Variants in ASPRV1 observed in about 807,000 individuals in gnomAD.
ASPRV1 encodes the protein aspartic peptidase retroviral like 1.
Under a neutral mutation model 11.0 loss-of-function variants are expected in ASPRV1, and 7 were observed. The observed-to-expected ratio is 0.64, with a 90% CI of 0.36 to 1.20. The LOEUF (loss-of-function observed/expected upper bound fraction) is 1.20, where lower values mean the gene tolerates loss of function less well. Among genes scored for constraint, ASPRV1 ranks in the 50% most tolerant of loss-of-function variants. The pLI is 0.02. For synonymous variants in ASPRV1, 136 were observed against 138.4 expected (o/e 0.98, Z 0.12); for missense variants, 299 against 320.0 (o/e 0.93, Z 0.50).
the ASPRV1 span, among the ~76,000 whole-genome samples, chr2:69,937,893 C>G: frequency 7.9e-5 from 12 of 152,162 alleles, no homozygotes; most frequent in African/African-American, 2.4e-4. Context: ...GGATTACAGG[C>G]GTGAGCCACC....
upstream of ASPRV1, chr2:69,964,363 G>T (rs1215293779): frequency 1.1e-5 from 5 of 455,598 alleles, no homozygotes; most frequent in Non-Finnish European, 2.2e-5. Flanking sequence ...GGGGCCTCAT[G>T]GTTACCGTGA....
the ASPRV1 span, among the ~76,000 whole-genome samples, chr2:70,058,882 C>CTTTTTTT: frequency 9.8e-6 from 1 of 102,258 alleles, no homozygotes; most frequent in South Asian, 3.8e-4. Flanking sequence ...TATTACCCAA[C>CTTTTTTT]TTTTTTTTTT....
the ASPRV1 span, among the ~76,000 whole-genome samples, chr2:69,946,551 C>T: frequency 6.6e-6 from 1 of 152,178 alleles, no homozygotes; most frequent in Admixed American, 6.5e-5. Flanking sequence ...TACATATGAG[C>T]AATTATAATC....
chr2:69,988,249 T>G, the ASPRV1 span, among the ~76,000 whole-genome samples: 1 of 152,190 alleles, frequency 6.6e-6, no homozygotes, highest in African/African-American at 2.4e-5. Flanking sequence ...TTGCAATAGC[T>G]GAAAGGAAGA....
chr2:70,018,908 A>G, the ASPRV1 span: 1 of 152,220 alleles, frequency 6.6e-6, no homozygotes, highest in Non-Finnish European at 1.5e-5. Flanking sequence ...ACAAAAGCAA[A>G]ATAGGATTAC....
the ASPRV1 span, among the ~76,000 whole-genome samples, chr2:69,993,040 C>A: frequency 6.6e-6 from 1 of 152,192 alleles, no homozygotes; most frequent in Non-Finnish European, 1.5e-5. Context: ...CTGATTGAAG[C>A]ACCCCTGCAG....
chr2:70,005,957 G>A, the ASPRV1 span, among the ~76,000 whole-genome samples: 1 of 152,174 alleles, frequency 6.6e-6, no homozygotes, highest in Non-Finnish European at 1.5e-5. Flanking sequence ...TCTGCCCTTC[G>A]ATAGCCCAGG....
At chr2:69,957,572 C>G (rs1172230202), downstream of ASPRV1, among the ~76,000 whole-genome samples, 1 of 151,570 alleles carries the variant, frequency 6.6e-6, no homozygotes, top group Non-Finnish European at 1.5e-5. Flanking sequence ...TAGGCCAGGG[C>G]TTTTCAAACT....
the ASPRV1 span, among the ~76,000 whole-genome samples, chr2:69,981,633 T>A: frequency 1.3e-5 from 2 of 152,228 alleles, no homozygotes; most frequent in Non-Finnish European, 2.9e-5. Flanking sequence ...CTCGGCTCAC[T>A]GCAACCTCCG....
the ASPRV1 span, among the ~76,000 whole-genome samples, chr2:70,068,771 T>TA: frequency 0.022 from 2,865 of 129,758 alleles, 55 homozygotes; most frequent in African/African-American, 0.051. Context: ...GCGTCTCTAC[T>TA]AAAAAAAAAA....
chr2:70,008,233 T>C, the ASPRV1 span, among the ~76,000 whole-genome samples: 1 of 152,196 alleles, frequency 6.6e-6, no homozygotes, highest in African/African-American at 2.4e-5. Context: ...AGATTTCTTA[T>C]TAATTTTTTT....
chr2:70,039,882 G>C, the ASPRV1 span, among the ~76,000 whole-genome samples: 3 of 152,196 alleles, frequency 2.0e-5, no homozygotes, highest in Non-Finnish European at 4.4e-5. Context: ...TAAATTCCCA[G>C]TGGGGGAATA....
the ASPRV1 span, among the ~76,000 whole-genome samples, chr2:70,055,005 TTTTAAAA>T: frequency 6.6e-6 from 1 of 152,166 alleles, no homozygotes; most frequent in African/African-American, 2.4e-5. Flanking sequence ...AGCAAAGTAC[TTTTAAAA>T]AACACTCAGG....
the ASPRV1 span, chr2:70,064,106 T>C: frequency 6.6e-6 from 1 of 152,208 alleles, no homozygotes; most frequent in Non-Finnish European, 1.5e-5. Flanking sequence ...TGAGCAAGTG[T>C]TTTGTGTCAG....
the ASPRV1 span, among the ~76,000 whole-genome samples, chr2:70,043,037 C>G: frequency 1.3e-5 from 2 of 152,014 alleles, no homozygotes; most frequent in African/African-American, 4.8e-5. Flanking sequence ...TAAAATATGC[C>G]CTTGGGGGAG....
At chr2:69,974,310 C>T in the ASPRV1 span, among the ~76,000 whole-genome samples, 1 of 149,628 alleles carries the variant, frequency 6.7e-6, no homozygotes, top group South Asian at 2.1e-4. Flanking sequence ...GCACTCCAGC[C>T]TGAGCAACAA....
At chr2:70,060,540 C>T in the ASPRV1 span, among the ~76,000 whole-genome samples, 5 of 152,070 alleles carry the variant, frequency 3.3e-5, no homozygotes, top group African/African-American at 1.2e-4. Flanking sequence ...TCGCCGGGCA[C>T]AGTGGCTTAC....
At chr2:70,022,968 C>T in the ASPRV1 span, among the ~76,000 whole-genome samples, 2 of 152,120 alleles carry the variant, frequency 1.3e-5, no homozygotes, top group Non-Finnish European at 1.5e-5. Context: ...GCCCAGTTTC[C>T]AACACACCTT....
chr2:70,084,410 G>C, the ASPRV1 span, among the ~76,000 whole-genome samples: 1 of 152,142 alleles, frequency 6.6e-6, no homozygotes. Flanking sequence ...ATCCAGTTTA[G>C]TGGTTAAGAA....
Sources: allele counts gnomAD v4.1 joint callset (sites outside exome capture counted in the v4.1 genomes callset), GRCh38; gene constraint gnomAD v4.1.1; transcripts MANE v1.5; gene names NCBI Gene and HGNC (gene_info 2026-07-23, HGNC 2026-07-21).